The following PCDHGA1 variants were observed in gnomAD, a reference collection of about 807,000 sequenced individuals.
The protein encoded by PCDHGA1 is protocadherin gamma subfamily A, 1, also known as protocadherin gamma-A1.
Under a neutral mutation model 58.0 loss-of-function variants are expected in PCDHGA1, and 32 were observed. The ratio of observed to expected loss-of-function variants is 0.55; its 90% CI spans 0.42 to 0.74. The LOEUF is 0.74. Among genes scored for constraint, PCDHGA1 ranks in the 30% least tolerant of loss-of-function variants. The pLI is 0.00. For synonymous variants in PCDHGA1, 498 were observed against 501.1 expected, an observed-to-expected ratio of 0.99 and a Z score of 0.08; for missense variants, 1,205 against 1,182.3, an observed-to-expected ratio of 1.02 and a Z score of -0.28.
At chr5:141,409,030 GAT>G in intron 1 of PCDHGA1, 1 of 1,614,010 alleles carries the variant, frequency 6.2e-7, no homozygotes, top group Non-Finnish European at 8.5e-7. Context: ...TCAATGCTGA[GAT>G]AAACTACTAC....
At position 141,511,319 on chromosome 5, in the gene PCDHGA1, C is replaced by T. The variant is rs2099883711; in HGVS notation, c.*146C>T. On this transcript the variant is annotated 3_prime_UTR_variant, in exon 4 of 4. Coordinates refer to ENST00000517417, the MANE Select transcript of PCDHGA1 (RefSeq NM_018912.3). ...CCATGCTCCCCTTGGGAAACAGAAA[C>T]AAGTGCCCAGTCAGCACCTACCCCT... 1.4e-6 allele frequency: 2 copies of T among 1,477,302 alleles called. No homozygotes were observed. The highest frequency in any genetic ancestry group is 1.4e-5 in the African/African-American group (1 of 70,920). 91.5% of individuals were successfully genotyped at this position (1,477,302 alleles called of 1,614,324 possible).
intron 1 of PCDHGA1, among the ~76,000 whole-genome samples, chr5:141,467,591 T>C (rs765816743): frequency 3.3e-5 from 5 of 152,360 alleles, no homozygotes; most frequent in South Asian, 4.1e-4. Flanking sequence ...ATGCCATTTA[T>C]TAAGCACTTC....
chr5:141,423,756 GGGGGTGGGGC>G, intron 1 of PCDHGA1: 1 of 448,620 alleles, frequency 2.2e-6, no homozygotes, highest in Non-Finnish European at 3.0e-6. Context: ...TGTTTGGGGG[GGGGGTGGGGC>G]GGCATATATT....
chr5:141,394,795 C>T (rs543209610), intron 1 of PCDHGA1: 1 of 1,613,676 alleles, frequency 6.2e-7, no homozygotes, highest in Non-Finnish European at 8.5e-7. Context: ...GTCACGCTCA[C>T]CGTAGCCGTG....
chr5:141,330,727 C>T lies in PCDHGA1; in HGVS notation c.43C>T (p.Leu15Phe). The T allele has an allele frequency of 6.2e-7, 1 of 1,613,344 alleles. No individual in the cohort carries two copies. The highest frequency in any genetic ancestry group is 8.5e-7 in the Non-Finnish European group (1 of 1,179,340). ...GCTGACTGGCTGCAGCAGGCTGATG[C>T]TTCTGTGTCTTTCTCTGGAGCTGCT... is the stretch of plus-strand genomic sequence containing the variant. ...KKLTGCSRLM[L>F]LCLSLELLLE... is the part of the protein sequence containing the mutation. Residue 15 changes from leucine to phenylalanine, a missense_variant, in exon 1 of 4, where the codon CTT becomes TTT. Physicochemically the swap from Leu to Phe is conservative, Grantham distance 22 (BLOSUM62 0). Coordinates refer to ENST00000517417, the MANE Select transcript of PCDHGA1 (RefSeq NM_018912.3).
chr5:141,384,431 C>T (rs750392601), intron 1 of PCDHGA1: 1 of 1,614,000 alleles, frequency 6.2e-7, no homozygotes, highest in South Asian at 1.1e-5. Context: ...AACTCTGACA[C>T]TGGAGTCCTG....
At chr5:141,352,707 C>T (rs1209047181) in intron 1 of PCDHGA1, 3 of 1,542,998 alleles carry the variant, frequency 1.9e-6, no homozygotes, top group South Asian at 2.4e-5. Flanking sequence ...TTATATATGG[C>T]GGCCGGGCGC....
chr5:141,394,493 C>T (rs749651115), intron 1 of PCDHGA1: 2 of 1,614,222 alleles, frequency 1.2e-6, no homozygotes, highest in Non-Finnish European at 1.7e-6. Flanking sequence ...ACAACGCGCC[C>T]GAGATCCTGT....
At position 141,511,211 on chromosome 5, in the gene PCDHGA1, C is replaced by G; in HGVS notation, c.*38C>G. ...GCCAAGAGCCACAGGGCGGCCTCTC[C>G]CCAACCAGCCCAGCTTCTCCTTACC... On this transcript the variant is annotated 3_prime_UTR_variant, in exon 4 of 4. Transcript: ENST00000517417. The G allele has an allele frequency of 6.2e-7, 1 of 1,608,626 alleles. No individual in the cohort carries two copies. The highest frequency in any genetic ancestry group is 8.5e-7 in the Non-Finnish European group (1 of 1,177,476).
intron 1 of PCDHGA1, among the ~76,000 whole-genome samples, chr5:141,458,436 C>T (rs2098945707): frequency 6.6e-6 from 1 of 152,056 alleles, no homozygotes; most frequent in Non-Finnish European, 1.5e-5. Context: ...AAGAGGAGGT[C>T]CCCCACATTA....
At chr5:141,404,068 T>C (rs2094481501) in intron 1 of PCDHGA1, 3 of 1,613,782 alleles carry the variant, frequency 1.9e-6, no homozygotes, top group Non-Finnish European at 2.5e-6. Flanking sequence ...TCAATGCTCA[T>C]GACCGAGACT....
intron 1 of PCDHGA1, chr5:141,439,888 A>G (rs2098137228): frequency 6.6e-6 from 1 of 152,384 alleles, no homozygotes. Context: ...TCTGGGTAGA[A>G]CCAAGGCGAC....
chr5:141,337,110 T>TAAAAG (rs56061801), intron 1 of PCDHGA1, among the ~76,000 whole-genome samples: 116,447 of 150,942 alleles, frequency 0.77, 45,301 homozygotes, highest in Non-Finnish European at 0.84. Context: ...ATTGCTGTCA[T>TAAAAG]AAAAGAAAAG....
In PCDHGA1 at chr5:141,350,984, G is replaced by C; in HGVS notation, c.2421+17879G>C. On this transcript the variant is annotated intron_variant, in intron 1 of 3. Coordinates refer to ENST00000517417, the MANE Select transcript of PCDHGA1 (RefSeq NM_018912.3). ...TGATAATGCTCCCGTGTTTAGCCAG[G>C]AGGTATACAGGGTTAGCCTCCAAGA... The C allele has an allele frequency of 1.4e-5, 23 of 1,614,090 alleles. No individual in the cohort carries two copies. Among genetic ancestry groups the C allele is most frequent in the Non-Finnish European group, 1.9e-5 (22 of 1,179,912 alleles).
rs1372113910 is a variant in PCDHGA1, at chr5:141,384,481, C to T, written c.2421+51376C>T. On this transcript the variant is annotated intron_variant, in intron 1 of 3. Coordinates refer to ENST00000517417, the MANE Select transcript of PCDHGA1 (RefSeq NM_018912.3). ...CTTTGATTATGAGCAGTTGAGAGAA[C>T]TACAACTAAGAGTGACTGCACATGA... 1.9e-6 allele frequency: 3 copies of T among 1,614,022 alleles called. No homozygotes were observed. The Admixed American group carries it at 5.0e-5, about 27-fold the overall frequency.
chr5:141,489,844 C>T lies in PCDHGA1; in HGVS notation c.2422-4963C>T, dbSNP rs1004902910. 4.3e-6 allele frequency: 7 copies of T among 1,614,148 alleles called. No homozygotes were observed. The African/African-American group carries it at 9.3e-5, about 22-fold the overall frequency. ...GCTGGTGCTAGAGCAGCAGCTGGAT[C>T]GTGAAGCCCAGGCAAGACATCAGCT... On this transcript the variant is annotated intron_variant, in intron 1 of 3. Transcript: ENST00000517417. The surrounding 1 kb of genome is among the most constrained non-coding windows in gnomAD (Gnocchi z 4.5).
At chr5:141,364,892 G>A in intron 1 of PCDHGA1, 1 of 1,613,984 alleles carries the variant, frequency 6.2e-7, no homozygotes, top group South Asian at 1.1e-5. Flanking sequence ...CGGAACTGAT[G>A]GACAAAAGTA....
intron 1 of PCDHGA1, chr5:141,341,579 C>T: frequency 8.2e-7 from 1 of 1,212,798 alleles, no homozygotes. Flanking sequence ...GAAGAAGAGA[C>T]GTGAGAATCT....
At chr5:141,352,705 G>C in intron 1 of PCDHGA1, 1 of 1,545,256 alleles carries the variant, frequency 6.5e-7, no homozygotes, top group Non-Finnish European at 8.7e-7. Context: ...TTTTATATAT[G>C]GCGGCCGGGC....
Sources: gnomAD v4.1 joint callset for allele counts (sites outside exome capture counted in the v4.1 genomes callset) on GRCh38, gnomAD v4.1.1 for gene constraint, Gnocchi (gnomAD v3.1) non-coding constraint, MANE v1.5 for transcripts, NCBI Gene and HGNC (gene_info 2026-07-23, HGNC 2026-07-21) for gene names.